Variants in GRIK1 observed in about 807,000 individuals in gnomAD.
The protein encoded by GRIK1 is glutamate receptor ionotropic, kainate 1.
GRIK1 carries 69 observed loss-of-function variants against 105.7 expected under a neutral mutation model. That is an observed-to-expected ratio of 0.65 (90% CI 0.54 to 0.80). GRIK1 has a LOEUF of 0.80. Among genes scored for constraint, GRIK1 ranks in the 30% least tolerant of loss-of-function variants. The pLI, the probability that GRIK1 is intolerant of heterozygous loss-of-function variation, is 0.00. For missense variants in GRIK1, 1,109 were observed against 1,167.3 expected (o/e 0.95, Z 0.73); for synonymous variants, 438 against 431.3 (o/e 1.02, Z -0.19).
intron 1 of GRIK1, among the ~76,000 whole-genome samples, chr21:29,905,205 T>C (rs1395334593): frequency 6.6e-6 from 1 of 152,116 alleles, no homozygotes; most frequent in Admixed American, 6.5e-5. Context: ...CCTTACTTGA[T>C]CATGACAAAG....
chr21:29,736,012 C>A lies in GRIK1; in HGVS notation c.119-41949G>T, dbSNP rs189458070. ...AGTCAAATGTTTTTCCCTAGCACGA[C>A]CCCAAGACAAAATTAGGTCTAAAGA... On this transcript the variant is annotated intron_variant, in intron 1 of 17. Coordinates refer to ENST00000327783, the MANE Select transcript of GRIK1 (RefSeq NM_001330994.2). 9.2e-5 allele frequency among the ~76,000 whole-genome samples: 14 copies of A among 152,068 alleles called. No homozygotes were observed. The East Asian group carries it at 1.7e-3, about 19-fold the overall frequency.
intron 7 of GRIK1, 119 bp from the exon 8 acceptor site, chr21:29,599,056 GTTATA>G: frequency 1.7e-6 from 1 of 571,612 alleles, no homozygotes. Flanking sequence ...TCATCATGCT[GTTATA>G]AACCATTGCA....
At chr21:29,686,023 C>T (rs1270132157) in intron 3 of GRIK1, among the ~76,000 whole-genome samples, 1 of 152,230 alleles carries the variant, frequency 6.6e-6, no homozygotes, top group African/African-American at 2.4e-5. Flanking sequence ...TCCGAACACA[C>T]AGGCCTTGCT....
intron 16 of GRIK1, among the ~76,000 whole-genome samples, chr21:29,546,767 A>G (rs554861345): frequency 6.6e-6 from 1 of 152,372 alleles, no homozygotes; most frequent in South Asian, 2.1e-4. Flanking sequence ...TTGCAATTAA[A>G]AACCATGGTT....
Position 29,752,393 on chromosome 21 carries a change from A to G in GRIK1, c.119-58330T>C, listed in dbSNP as rs116764845. 8.0e-3 allele frequency among the ~76,000 whole-genome samples: 1,223 copies of G among 152,350 alleles called. 22 individuals are homozygous for G. Among genetic ancestry groups the G allele is most frequent in the African/African-American group, 0.027 (1,142 of 41,576 alleles). Reference sequence around the variant, plus strand: ...TTACAAAAAATTGTATTCTTTGATTATATGCTGTGAGCATGAAGGATGTGT... The same window carrying G: ...TTACAAAAAATTGTATTCTTTGATTGTATGCTGTGAGCATGAAGGATGTGT... On this transcript the variant is annotated intron_variant, in intron 1 of 17. Transcript: ENST00000327783.
intron 1 of GRIK1, among the ~76,000 whole-genome samples, chr21:29,893,453 C>G (rs1167483956): frequency 6.6e-6 from 1 of 152,196 alleles, no homozygotes; most frequent in Non-Finnish European, 1.5e-5. Flanking sequence ...TACTCACAAG[C>G]AATGAAAACT....
At chr21:29,687,811 A>G (rs974545481) in intron 3 of GRIK1, among the ~76,000 whole-genome samples, 1 of 152,236 alleles carries the variant, frequency 6.6e-6, no homozygotes, top group Admixed American at 6.5e-5. Context: ...TTTGAAATCT[A>G]CAATGCCTAC....
intron 9 of GRIK1, among the ~76,000 whole-genome samples, chr21:29,595,340 G>GTA (rs2061391766): frequency 7.3e-6 from 1 of 136,976 alleles, no homozygotes; most frequent in African/African-American, 2.7e-5. Flanking sequence ...AGTGTAATAG[G>GTA]TTTTTTTTTT....
At chr21:29,728,814 A>G (rs1308969324) in intron 1 of GRIK1, among the ~76,000 whole-genome samples, 1 of 152,218 alleles carries the variant, frequency 6.6e-6, no homozygotes, top group Non-Finnish European at 1.5e-5. Context: ...TAAAATATGC[A>G]TCTGACCTAA....
intron 7 of GRIK1, among the ~76,000 whole-genome samples, chr21:29,628,324 T>C (rs1005987486): frequency 2.6e-5 from 4 of 152,238 alleles, no homozygotes; most frequent in Non-Finnish European, 4.4e-5. Flanking sequence ...AAATGATGCA[T>C]TTATCATATG....
intron 1 of GRIK1, among the ~76,000 whole-genome samples, chr21:29,923,429 G>T (rs763636545): frequency 6.6e-6 from 1 of 152,178 alleles, no homozygotes; most frequent in South Asian, 2.1e-4. Flanking sequence ...AACTCAATTT[G>T]TAGCTCAGCA....
At chr21:29,918,724 T>C (rs766316859) in intron 1 of GRIK1, among the ~76,000 whole-genome samples, 39 of 152,090 alleles carry the variant, frequency 2.6e-4, no homozygotes, top group Non-Finnish European at 4.9e-4. Flanking sequence ...TATATCACAT[T>C]ATTAAATTGG....
At chr21:29,806,308 C>T (rs1358513774) in intron 1 of GRIK1, among the ~76,000 whole-genome samples, 3 of 151,740 alleles carry the variant, frequency 2.0e-5, no homozygotes, top group Non-Finnish European at 4.4e-5. Flanking sequence ...CAAAAACCAG[C>T]GAATCAGTCA....
At chr21:29,717,453 C>A (rs1461681790) in intron 1 of GRIK1, among the ~76,000 whole-genome samples, 2 of 152,222 alleles carry the variant, frequency 1.3e-5, no homozygotes, top group African/African-American at 4.8e-5. Flanking sequence ...GCAAGTTATC[C>A]AAGGCTGTGA....
intron 1 of GRIK1, among the ~76,000 whole-genome samples, chr21:29,744,724 A>T (rs1302632880): frequency 6.6e-6 from 1 of 152,216 alleles, no homozygotes; most frequent in East Asian, 1.9e-4. Context: ...ATGTACTCCT[A>T]TAGTCCTTGG....
intron 1 of GRIK1, among the ~76,000 whole-genome samples, chr21:29,785,350 G>C (rs2066229674): frequency 6.6e-6 from 1 of 152,028 alleles, no homozygotes; most frequent in Admixed American, 6.6e-5. Flanking sequence ...TTCACCTGAG[G>C]TCAGGATTTT....
chr21:29,848,556 G>A (rs1416452244), intron 1 of GRIK1, among the ~76,000 whole-genome samples: 1 of 151,826 alleles, frequency 6.6e-6, no homozygotes, highest in Non-Finnish European at 1.5e-5. Flanking sequence ...TATCATGCTT[G>A]TCAAAATCTT....
At chr21:29,715,268 G>A (rs1017941170) in intron 1 of GRIK1, among the ~76,000 whole-genome samples, 1 of 152,074 alleles carries the variant, frequency 6.6e-6, no homozygotes, top group Non-Finnish European at 1.5e-5. Flanking sequence ...TGGTCAGTCT[G>A]ATGAGTTAGC....
At chr21:29,572,961 C>T (rs991002290) in intron 14 of GRIK1, among the ~76,000 whole-genome samples, 3 of 151,952 alleles carry the variant, frequency 2.0e-5, no homozygotes, top group Non-Finnish European at 2.9e-5. Flanking sequence ...TTAGTAGGGA[C>T]GGGGTTTCTC....
Sources: gnomAD v4.1 joint callset for allele counts (sites outside exome capture counted in the v4.1 genomes callset) on GRCh38, gnomAD v4.1.1 for gene constraint, MANE v1.5 for transcripts, NCBI Gene and HGNC (gene_info 2026-07-23, HGNC 2026-07-21) for gene names.